Variants in SIGLEC5 observed in about 807,000 individuals in gnomAD.
SIGLEC5 encodes sialic acid-binding Ig-like lectin 5.
In SIGLEC5, 34 loss-of-function variants were observed where a neutral mutation model predicts 45.9. The observed-to-expected ratio is 0.74, with a 90% confidence interval of 0.56 to 0.99. The LOEUF is 0.99. SIGLEC5 is among the 50% of genes least tolerant of loss of function. SIGLEC5 has a pLI of 0.00. For missense variants in SIGLEC5, 508 were observed against 629.6 expected (o/e 0.81, Z 2.07); for synonymous variants, 203 against 258.6 (o/e 0.79, Z 2.06).
intron 3 of SIGLEC5, 137 bp downstream of exon 3, chr19:51,629,221 T>C: frequency 6.5e-7 from 1 of 1,542,118 alleles, no homozygotes; most frequent in Non-Finnish European, 8.8e-7. Context: ...AAGGCTTAGA[T>C]CCACACACAA....
At chr19:51,618,456 A>AAAAAAAAAAAAAC in intron 8 of SIGLEC5, among the ~76,000 whole-genome samples, 1 of 149,824 alleles carries the variant, frequency 6.7e-6, no homozygotes, top group Non-Finnish European at 1.5e-5. Context: ...AAAAAAAAAA[A>AAAAAAAAAAAAAC]AAAAAAAAAA....
chr19:51,627,986 A>C lies in SIGLEC5; in HGVS notation c.845T>G (p.Phe282Cys), dbSNP rs1600104874. ...GGCGTTCAGGGCAGGGGAGCCCTGGAACCAGCTCAGGTGTGCAGGGGGGTT... is the reference window on the plus strand; with the variant it reads ...GGCGTTCAGGGCAGGGGAGCCCTGGCACCAGCTCAGGTGTGCAGGGGGGTT... ...PSNPPAHLSWFQGSPALNATP... is the reference protein window; with the variant it reads ...PSNPPAHLSWCQGSPALNATP... Residue 282 changes from phenylalanine (F) to cysteine (C), a missense_variant, in exon 5 of 9, where the codon TTC becomes TGC. By Grantham distance (205) the Phe-to-Cys change is radical. Around this residue, in one of 2 missense-constraint regions of SIGLEC5, gnomAD observed 431 missense variants for 428.8 expected, o/e 1.01. Coordinates refer to ENST00000683636, the MANE Select transcript of SIGLEC5 (RefSeq NM_003830.4). 6.2e-7 allele frequency: 1 copy of C among 1,613,380 alleles called. No homozygotes were observed. The highest frequency in any genetic ancestry group is 1.3e-5 in the African/African-American group (1 of 74,888).
At chr19:51,624,106 C>T (rs1983391394) in intron 8 of SIGLEC5, among the ~76,000 whole-genome samples, 3 of 151,926 alleles carry the variant, frequency 2.0e-5, no homozygotes. Context: ...TTGCAATGAG[C>T]CGAGATCGCA....
At chr19:51,617,524 C>T (rs1983111856) in intron 8 of SIGLEC5, among the ~76,000 whole-genome samples, 2 of 152,100 alleles carry the variant, frequency 1.3e-5, no homozygotes, top group Admixed American at 1.3e-4. Context: ...AACAGCAATA[C>T]TAAATGCAAG....
chr19:51,615,937 T>G (rs1445751300), intron 8 of SIGLEC5, among the ~76,000 whole-genome samples: 1 of 152,180 alleles, frequency 6.6e-6, no homozygotes, highest in Non-Finnish European at 1.5e-5. Flanking sequence ...CCACCACACC[T>G]GGCTAATTTT....
At chr19:51,615,171 G>T (rs530442171) in intron 8 of SIGLEC5, among the ~76,000 whole-genome samples, 34 of 152,196 alleles carry the variant, frequency 2.2e-4, no homozygotes, top group South Asian at 6.2e-4. Flanking sequence ...CTTGTCAAAA[G>T]AGTGAATTCA....
At chr19:51,619,524 A>C (rs1983202225) in intron 8 of SIGLEC5, among the ~76,000 whole-genome samples, 1 of 152,244 alleles carries the variant, frequency 6.6e-6, no homozygotes, top group African/African-American at 2.4e-5. Context: ...TTAGAATTTA[A>C]TTATGAAAGA....
At chr19:51,617,361 G>A (rs946661867) in intron 8 of SIGLEC5, among the ~76,000 whole-genome samples, 1 of 151,960 alleles carries the variant, frequency 6.6e-6, no homozygotes, top group Non-Finnish European at 1.5e-5. Context: ...GGCCCCACGA[G>A]TGCAAGAAAA....
chr19:51,622,863 G>A (rs778349117), intron 8 of SIGLEC5, among the ~76,000 whole-genome samples: 9 of 152,164 alleles, frequency 5.9e-5, no homozygotes, highest in Non-Finnish European at 1.3e-4. Context: ...GTGAGAACAT[G>A]CAATGTTTGT....
intron 8 of SIGLEC5, among the ~76,000 whole-genome samples, chr19:51,612,986 TGG>T (rs1351636457): frequency 6.6e-6 from 1 of 152,226 alleles, no homozygotes; most frequent in Non-Finnish European, 1.5e-5. Flanking sequence ...ATCTTCTCTC[TGG>T]GACCTGTGAG....
At position 51,627,826 on chromosome 19, in the gene SIGLEC5, A is replaced by C; in HGVS notation, c.997+8T>G. 1 of 1,593,880 alleles carries C rather than the reference A, an allele frequency of 6.3e-7. No individual in the cohort carries two copies. The highest frequency in any genetic ancestry group is 1.3e-5 in the African/African-American group (1 of 74,536). The stretch of plus-strand genomic sequence containing the variant: ...TGCAGTTCCTGCTCCAGCTGCCCCC[A>C]CACTCACAGTAAACTGAGAGATTCA... On this transcript the variant is annotated splice_region_variant and intron_variant, in intron 5 of 8. Transcript: ENST00000683636.
chr19:51,623,713 C>A (rs1037622193), intron 8 of SIGLEC5, among the ~76,000 whole-genome samples: 1 of 152,092 alleles, frequency 6.6e-6, no homozygotes, highest in African/African-American at 2.4e-5. Flanking sequence ...TTTTTCATGA[C>A]CTTGTAAAGA....
At position 51,629,044 on chromosome 19, in the gene SIGLEC5, C is replaced by A. The variant is rs747328477; in HGVS notation, c.733G>T (p.Gly245Cys). The change falls in exon 4 of 9, where the codon GGC (glycine) becomes TGC (cysteine). Residue 245 changes from glycine (G) to cysteine (C), a missense_variant. Transcript: ENST00000683636. ...APQTITIFRN[G>C]IALEILQNTS... Reference sequence around the variant, plus strand: ...GAGAGGAGGTCTTTCCTACCTATGCCGTTCCTGAAGATGGTGATGGTCTGT... The same window carrying A: ...GAGAGGAGGTCTTTCCTACCTATGCAGTTCCTGAAGATGGTGATGGTCTGT... The A allele has an allele frequency of 1.7e-5, 27 of 1,613,658 alleles. No individual in the cohort carries two copies. In the East Asian group the frequency reaches 5.3e-4, roughly 32 times the overall value.
In SIGLEC5 at chr19:51,627,648, G is replaced by A. The variant is rs371746250; in HGVS notation, c.1096C>T (p.Arg366Trp). The A allele has an allele frequency of 9.9e-6, 16 of 1,611,658 alleles. No homozygotes were observed. Among genetic ancestry groups the A allele is most frequent in the East Asian group, 8.9e-5 (4 of 44,868 alleles). Residue 366 changes from arginine (R) to tryptophan (W), a missense_variant, in exon 6 of 9, where the codon CGG becomes TGG. Transcript: ENST00000683636. ...CCCTCCAGCGGCTTCTCCTCAAGCC[G>A]CCAGCACAGGGAGGGGGCCGGCCGG... ...RARPAPSLCW[R>W]LEEKPLEGNS...
chr19:51,625,702 C>T (rs1337607720), intron 8 of SIGLEC5, among the ~76,000 whole-genome samples: 6 of 152,078 alleles, frequency 3.9e-5, no homozygotes, highest in South Asian at 4.2e-4. Context: ...TGGTGGTGTG[C>T]GCCTGTAATC....
Position 51,629,984 on chromosome 19 carries a change from G to T in SIGLEC5, c.270C>A (p.Phe90Leu), listed in dbSNP as rs1042910970. 2.8e-5 allele frequency: 27 copies of T among 964,530 alleles called. 2 individuals carry two copies. Among genetic ancestry groups the T allele is most frequent in the Non-Finnish European group, 3.9e-5 (26 of 661,520 alleles). The allele number at this position is 964,530 out of a possible 1,614,324, so 59.7% of individuals were successfully genotyped here. The change falls in exon 2 of 9, where the codon TTC becomes TTA. Residue 90 changes from phenylalanine (F) to leucine (L), a missense_variant. By Grantham distance (22) the Phe-to-Leu change is conservative. Coordinates refer to ENST00000683636, the MANE Select transcript of SIGLEC5 (RefSeq NM_003830.4). ...RRVKPETQGR[F>L]RLLGDVQKKN... ...TCTTCTGGACATCCCCAAGGAGGCG[G>T]AATCGGCCCTGGGTCTCTGGCTTCA...
intron 8 of SIGLEC5, among the ~76,000 whole-genome samples, chr19:51,618,094 G>A (rs567558219): frequency 1.6e-4 from 24 of 150,888 alleles, no homozygotes; most frequent in Non-Finnish European, 3.2e-4. Context: ...CACTGTGCCC[G>A]GCAAGATATT....
rs1555788062 is a variant in SIGLEC5 at position 51,620,058 on chromosome 19, A to AAAATATATAT, written c.1464+5973_1464+5974insATATATATTT. On this transcript the variant is annotated intron_variant, in intron 8 of 8. Coordinates refer to ENST00000683636, the MANE Select transcript of SIGLEC5 (RefSeq NM_003830.4). Reference sequence around the variant, plus strand: ...AATGCCACCCATATCCTTTTGTCAAAATATATATATATATATAACTTAGGT... The same window carrying AAAATATATAT: ...AATGCCACCCATATCCTTTTGTCAAAAAATATATATATATATATATATATATAACTTAGGT... 2.8e-4 allele frequency among the ~76,000 whole-genome samples: 42 copies of AAAATATATAT among 149,114 alleles called. No individual in the cohort carries two copies. The East Asian group carries it at 6.9e-3, about 25-fold the overall frequency.
intron 8 of SIGLEC5, among the ~76,000 whole-genome samples, chr19:51,620,108 A>C (rs1983228416): frequency 1.3e-5 from 2 of 151,890 alleles, no homozygotes; most frequent in South Asian, 4.1e-4. Context: ...CCTAGAATAA[A>C]GCTCGCTGAA....
Sources: gnomAD v4.1 joint callset for allele counts (sites outside exome capture counted in the v4.1 genomes callset) on GRCh38, gnomAD v4.1.1 for gene constraint, gnomAD v4.1.1 regional missense constraint, MANE v1.5 for transcripts, NCBI Gene and HGNC (gene_info 2026-07-23, HGNC 2026-07-21) for gene names.